Variants in ZP1 observed in about 807,000 individuals in gnomAD.
ZP1 encodes zona pellucida glycoprotein 1.
Under a neutral mutation model 67.4 loss-of-function variants are expected in ZP1, and 58 were observed. That is an observed-to-expected ratio of 0.86 (90% CI 0.70 to 1.07). The LOEUF is 1.07. ZP1 is among the 50% of genes least tolerant of loss of function. ZP1 has a pLI of 0.00. For missense variants in ZP1, 759 were observed against 807.3 expected, an observed-to-expected ratio of 0.94 and a Z score of 0.72; for synonymous variants, 333 against 332.7, an observed-to-expected ratio of 1.00 and a Z score of -0.01.
chr11:60,870,946 C>T lies in ZP1; in HGVS notation c.827-11C>T. On this transcript the variant is annotated splice_polypyrimidine_tract_variant and intron_variant, in intron 4 of 11. Coordinates refer to ENST00000278853, the MANE Select transcript of ZP1 (RefSeq NM_207341.4). ...ACCAAACCCCAAGGCCCTCATCTGC[C>T]TTTGTCCCAGCTACTGTCCAGTGCT... The T allele has an allele frequency of 6.2e-7, 1 of 1,610,016 alleles. No homozygotes were observed. Among genetic ancestry groups the T allele is most frequent in the Non-Finnish European group, 8.5e-7 (1 of 1,177,818 alleles).
intron 1 of ZP1, 32 bp downstream of exon 1, chr11:60,867,789 C>A (rs1470709336): frequency 6.9e-6 from 11 of 1,599,178 alleles, no homozygotes; most frequent in Non-Finnish European, 9.4e-6. Context: ...GCCCCTGCCT[C>A]CCTGGCCACG....
intron 9 of ZP1, among the ~76,000 whole-genome samples, chr11:60,874,351 G>C (rs1420230537): frequency 1.3e-5 from 2 of 152,176 alleles, no homozygotes; most frequent in Admixed American, 1.3e-4. Flanking sequence ...CCATGAGTGG[G>C]GCCTCCTGGG....
rs1590589087 is a variant in ZP1, at chr11:60,867,567, A to G, written c.6A>G (p.Ala2=). Residue 2 remains alanine (A), a synonymous_variant, in exon 1 of 12, where the codon GCA becomes GCG. Transcript: ENST00000278853. M[A]GGSATTWGYP... ...GGGTGTGTCTGTGGCGTCTCATGGCAGGAGGCTCAGCCACGACCTGGGGTT... is the reference window on the plus strand; with the variant it reads ...GGGTGTGTCTGTGGCGTCTCATGGCGGGAGGCTCAGCCACGACCTGGGGTT... The G allele has an allele frequency of 3.7e-6, 6 of 1,607,742 alleles. No homozygotes were observed. The highest frequency in any genetic ancestry group is 2.2e-5 in the East Asian group (1 of 44,636).
At position 60,869,045 on chromosome 11, in the gene ZP1, C is replaced by T. The variant is rs1341377618; in HGVS notation, c.197-100C>T. 6.9e-6 allele frequency: 10 copies of T among 1,451,924 alleles called. No homozygotes were observed. In the Admixed American group the frequency reaches 1.7e-4, roughly 25 times the overall value. The allele number at this position is 1,451,924 out of a possible 1,614,324, so 89.9% of individuals were successfully genotyped here. On this transcript the variant is annotated intron_variant, in intron 1 of 11. Coordinates refer to ENST00000278853, the MANE Select transcript of ZP1 (RefSeq NM_207341.4). ...CTAATAGCAAAGCTAAGGCAAGAAC[C>T]CAGGTCTCCTGGCTGCTGAGTGGGA...
Position 60,873,357 on chromosome 11 carries a change from G to T in ZP1, c.1241-18G>T, listed in dbSNP as rs753148645. The T allele has an allele frequency of 1.6e-5, 25 of 1,595,424 alleles. No homozygotes were observed. The highest frequency in any genetic ancestry group is 2.1e-5 in the Non-Finnish European group (25 of 1,165,108). On this transcript the variant is annotated intron_variant, in intron 7 of 11. Coordinates refer to ENST00000278853, the MANE Select transcript of ZP1 (RefSeq NM_207341.4). ...TGATGCACAGCCCGCCCTGGCTCAT[G>T]AGTCACTCTCCCTGCAGACGAGACC...
chr11:60,875,178 C>T lies in ZP1; in HGVS notation c.1704C>T (p.Asp568=), dbSNP rs2134841062. The T allele has an allele frequency of 1.9e-6, 3 of 1,613,900 alleles. No homozygotes were observed. In the East Asian group the frequency reaches 6.7e-5, roughly 36 times the overall value. Residue 568 remains aspartate (D), a synonymous_variant, in exon 11 of 12, where the codon GAC becomes GAT. Transcript: ENST00000278853. ...GHRNDTARPQ[D]IVSSPGPVGF... ...GTAATGACACTGCCAGGCCCCAGGA[C>T]ATCGTGAGCTCTCCGGGGCCAGTGG...
In ZP1 at chr11:60,869,786, G is replaced by C; in HGVS notation, c.568G>C (p.Val190Leu). 1 of 1,613,908 alleles carries C rather than the reference G, an allele frequency of 6.2e-7. No individual in the cohort carries two copies. The highest frequency in any genetic ancestry group is 2.2e-5 in the East Asian group (1 of 44,858). ...PSPLDPGHSS[V>L]HPTPALPSPG... ...CCCACTGGACCCAGGGCACAGCTCT[G>C]TCCACCCAACCCCTGCTTTACCATC... The change falls in exon 3 of 12, where the codon GTC (valine) becomes CTC (leucine). Residue 190 changes from valine (V) to leucine (L), a missense_variant. Val to Leu is a conservative substitution (Grantham distance 32, BLOSUM62 1). Transcript: ENST00000278853.
At position 60,869,542 on chromosome 11, in the gene ZP1, G is replaced by T. The variant is rs540659783; in HGVS notation, c.324G>T (p.Gly108=). 1.2e-6 allele frequency: 2 copies of T among 1,602,294 alleles called. No individual in the cohort carries two copies. The highest frequency in any genetic ancestry group is 2.7e-5 in the African/African-American group (2 of 74,846). ...TGATGGCCTCTCACCTGCAGGATGG[G>T]CGTTTCCACCTGAGGGTGTTCATGG... ...YRGCHVLEKD[G]RFHLRVFMEA... Residue 108 remains glycine (G), a synonymous_variant, in exon 3 of 12, where the codon GGG becomes GGT. Transcript: ENST00000278853.
rs144580003 is a variant in ZP1, at chr11:60,869,781, G to T, written c.563G>T (p.Ser188Ile). 3.8e-5 allele frequency: 62 copies of T among 1,613,872 alleles called. No homozygotes were observed. In the African/African-American group the frequency reaches 7.9e-4, roughly 21 times the overall value. The change falls in exon 3 of 12, where the codon AGC (serine) becomes ATC (isoleucine). Residue 188 changes from serine (S) to isoleucine (I), a missense_variant. Coordinates refer to ENST00000278853, the MANE Select transcript of ZP1 (RefSeq NM_207341.4). ...AFPSPLDPGH[S>I]SVHPTPALPS... Reference sequence around the variant, plus strand: ...CCCAGCCCACTGGACCCAGGGCACAGCTCTGTCCACCCAACCCCTGCTTTA... The same window carrying T: ...CCCAGCCCACTGGACCCAGGGCACATCTCTGTCCACCCAACCCCTGCTTTA...
chr11:60,867,542 G>A lies in ZP1; in HGVS notation c.-20G>A, dbSNP rs1265488342. On this transcript the variant is annotated 5_prime_UTR_variant, in exon 1 of 12. Coordinates refer to ENST00000278853, the MANE Select transcript of ZP1 (RefSeq NM_207341.4). The stretch of plus-strand genomic sequence containing the variant: ...CCAGCTCTGGTGGCGAGGGAGTAGG[G>A]GGTGTGTCTGTGGCGTCTCATGGCA... 3 of 1,598,946 alleles carry A rather than the reference G, an allele frequency of 1.9e-6. No individual in the cohort carries two copies. The South Asian group carries it at 3.3e-5, about 18-fold the overall frequency.
rs1210058993 is a variant in ZP1 at position 60,869,801 on chromosome 11, G to A, written c.583G>A (p.Ala195Thr). The change falls in exon 3 of 12, where the codon GCT (alanine) becomes ACT (threonine). Residue 195 changes from alanine to threonine, a missense_variant. By Grantham distance (58) the Ala-to-Thr change is moderately conservative. Coordinates refer to ENST00000278853, the MANE Select transcript of ZP1 (RefSeq NM_207341.4). ...PGHSSVHPTP[A>T]LPSPGPGPTL... The stretch of plus-strand genomic sequence containing the variant: ...GCACAGCTCTGTCCACCCAACCCCT[G>A]CTTTACCATCCCCTGGACCTGGACC... 6.2e-7 allele frequency: 1 copy of A among 1,613,508 alleles called. No homozygotes were observed. The highest frequency in any genetic ancestry group is 2.2e-5 in the East Asian group (1 of 44,870).
In ZP1 at chr11:60,875,002, A is replaced by C. The variant is rs926892507; in HGVS notation, c.1642A>C (p.Thr548Pro). 10 of 1,614,142 alleles carry C rather than the reference A, an allele frequency of 6.2e-6. No homozygotes were observed. The Admixed American group carries it at 1.7e-4, about 27-fold the overall frequency. Residue 548 changes from threonine (T) to proline (P), a missense_variant, in exon 10 of 12, where the codon ACT becomes CCT. By Grantham distance (38) the Thr-to-Pro change is conservative. Coordinates refer to ENST00000278853, the MANE Select transcript of ZP1 (RefSeq NM_207341.4). ...GGAGACTTGCTCCACTGCATGTAGC[A>C]CTGGCACTACAAGTGAGTCTGGGTT... is the stretch of plus-strand genomic sequence containing the variant. ...GLETCSTACS[T>P]GTTRQRRSSG...
chr11:60,871,113 T>A lies in ZP1; in HGVS notation c.983T>A (p.Phe328Tyr), dbSNP rs1486729145. 1 of 1,614,036 alleles carries A rather than the reference T, an allele frequency of 6.2e-7. No individual in the cohort carries two copies. Among genetic ancestry groups the A allele is most frequent in the Non-Finnish European group, 8.5e-7 (1 of 1,179,984 alleles). The part of the protein sequence containing the change: ...QHTEAFVVFY[F>Y]PLTHCGTTMQ... Reference sequence around the variant, plus strand: ...ACGGAAGCTTTCGTGGTCTTCTACTTCCCTCTCACCCACTGTGGAACCACA... The same window carrying A: ...ACGGAAGCTTTCGTGGTCTTCTACTACCCTCTCACCCACTGTGGAACCACA... The change falls in exon 5 of 12, where the codon TTC becomes TAC. Residue 328 changes from phenylalanine to tyrosine, a missense_variant. By Grantham distance (22) the Phe-to-Tyr change is conservative (BLOSUM62 3). Coordinates refer to ENST00000278853, the MANE Select transcript of ZP1 (RefSeq NM_207341.4).
rs750505733 is a variant in ZP1 at position 60,875,584 on chromosome 11, C to T, written c.1845C>T (p.Val615=). The change falls in exon 12 of 12, where the codon GTC becomes GTT. Residue 615 remains valine (V), a synonymous_variant. Coordinates refer to ENST00000278853, the MANE Select transcript of ZP1 (RefSeq NM_207341.4). The part of the protein sequence containing the change: ...AVLLLPAVAL[V]LGFGVFVGLS... Reference sequence around the variant, plus strand: ...TTTTGCTGCCAGCTGTTGCCCTGGTCCTTGGGTTTGGTGTCTTTGTGGGCC... The same window carrying T: ...TTTTGCTGCCAGCTGTTGCCCTGGTTCTTGGGTTTGGTGTCTTTGTGGGCC... The T allele has an allele frequency of 8.1e-6, 13 of 1,614,040 alleles. No homozygotes were observed. The East Asian group carries it at 2.5e-4, about 30-fold the overall frequency.
At chr11:60,868,366 C>T (rs1178037704) in intron 1 of ZP1, among the ~76,000 whole-genome samples, 1 of 152,212 alleles carries the variant, frequency 6.6e-6, no homozygotes, top group Non-Finnish European at 1.5e-5. Context: ...CATCTCTAAC[C>T]ACGCTCAGTC....
At chr11:60,870,566 ATCC>A (rs1478921828) in intron 4 of ZP1, 91 bp downstream of exon 4, 1 of 1,496,566 alleles carries the variant, frequency 6.7e-7, no homozygotes, top group Non-Finnish European at 8.9e-7. Flanking sequence ...ACTGCTTCCT[ATCC>A]TCCTCCTGGA....
intron 11 of ZP1, 57 bp downstream of exon 11, chr11:60,875,305 T>C: frequency 6.4e-7 from 1 of 1,567,082 alleles, no homozygotes; most frequent in Non-Finnish European, 8.6e-7. Context: ...CCCCCAAGAT[T>C]GTGCTGACAA....
intron 11 of ZP1, 120 bp from the exon 12 acceptor site, chr11:60,875,394 C>A: frequency 6.6e-7 from 1 of 1,513,590 alleles, no homozygotes; most frequent in Non-Finnish European, 8.9e-7. Flanking sequence ...AAGACAGACA[C>A]AGTCCACCTC....
chr11:60,867,823 G>A (rs1855499442), intron 1 of ZP1, 66 bp downstream of exon 1: 2 of 1,542,828 alleles, frequency 1.3e-6, no homozygotes, highest in Non-Finnish European at 1.8e-6. Flanking sequence ...AGGGAGCTGG[G>A]ACCCTTCCCC....
Sources: allele counts gnomAD v4.1 joint callset (sites outside exome capture counted in the v4.1 genomes callset), GRCh38; gene constraint gnomAD v4.1.1; transcripts MANE v1.5; gene names NCBI Gene and HGNC (gene_info 2026-07-23, HGNC 2026-07-21).